NETO1: variants seen among roughly 807,000 people sequenced by gnomAD.
NETO1 encodes neuropilin and tolloid-like protein 1.
Under a neutral mutation model 61.3 loss-of-function variants are expected in NETO1, and 26 were observed. That is an observed-to-expected ratio of 0.42 (90% CI 0.31 to 0.59). The LOEUF (loss-of-function observed/expected upper bound fraction) is 0.59, where lower values mean the gene tolerates loss of function less well. NETO1 is among the 20% of genes least tolerant of loss of function. The probability of loss-of-function intolerance (pLI) is 0.12; values close to 1 mark genes in which losing one functional copy is unlikely to be tolerated. For missense variants in NETO1, 531 were observed against 662.8 expected (o/e 0.80, Z 2.18); for synonymous variants, 225 against 225.8 (o/e 1.00, Z 0.03).
intron 4 of NETO1, among the ~76,000 whole-genome samples, chr18:72,836,824 C>T (rs1040317661): frequency 1.2e-4 from 18 of 151,906 alleles, no homozygotes; most frequent in African/African-American, 3.9e-4. Flanking sequence ...TCGTGTATCT[C>T]GGATCTAACT....
At chr18:72,811,345 C>G (rs900363558) in intron 4 of NETO1, among the ~76,000 whole-genome samples, 15 of 152,196 alleles carry the variant, frequency 9.9e-5, no homozygotes, top group Non-Finnish European at 1.8e-4. Context: ...CAGACAGCCT[C>G]CTCTCAACTC....
intron 4 of NETO1, chr18:72,853,235 C>T (rs2074309445): frequency 6.6e-6 from 1 of 152,092 alleles, no homozygotes; most frequent in Non-Finnish European, 1.5e-5. Context: ...TGATTATGCT[C>T]CTTACCTTTT....
At chr18:72,828,176 T>C (rs1448409523) in intron 4 of NETO1, among the ~76,000 whole-genome samples, 1 of 152,120 alleles carries the variant, frequency 6.6e-6, no homozygotes, top group Non-Finnish European at 1.5e-5. Flanking sequence ...CCAGGTGTGG[T>C]GGCACATGCC....
At chr18:72,772,825 CTA>C (rs59339805) in intron 7 of NETO1, among the ~76,000 whole-genome samples, 171 of 40,428 alleles carry the variant, frequency 4.2e-3, no homozygotes, top group East Asian at 8.8e-3. Flanking sequence ...CTCTCTCTCT[CTA>C]TATATATATA....
At chr18:72,757,191 G>A (rs2070811668) in intron 7 of NETO1, among the ~76,000 whole-genome samples, 2 of 152,042 alleles carry the variant, frequency 1.3e-5, no homozygotes, top group African/African-American at 4.8e-5. Context: ...ATTGACAAAT[G>A]AAGATATATT....
At chr18:72,856,541 C>G (rs1218363829) in intron 4 of NETO1, among the ~76,000 whole-genome samples, 1 of 151,626 alleles carries the variant, frequency 6.6e-6, no homozygotes, top group African/African-American at 2.4e-5. Context: ...TGTTAATTGT[C>G]TCAAACTATT....
intron 4 of NETO1, among the ~76,000 whole-genome samples, chr18:72,854,825 T>C (rs985618706): frequency 6.6e-6 from 1 of 152,230 alleles, no homozygotes; most frequent in Non-Finnish European, 1.5e-5. Context: ...CAAAATATCT[T>C]ATTCTTTCAA....
At chr18:72,754,100 C>A (rs1286281099) in intron 8 of NETO1, among the ~76,000 whole-genome samples, 11 of 151,992 alleles carry the variant, frequency 7.2e-5, no homozygotes, top group Non-Finnish European at 2.9e-5. Context: ...TTCTATGTCT[C>A]ACTATAATTA....
intron 4 of NETO1, among the ~76,000 whole-genome samples, chr18:72,844,831 G>A (rs1341789992): frequency 6.6e-6 from 1 of 152,148 alleles, no homozygotes; most frequent in African/African-American, 2.4e-5. Context: ...ATGTTTGATT[G>A]CAGTGCACTT....
intron 1 of NETO1, chr18:72,865,790 G>C: frequency 8.5e-7 from 1 of 1,180,570 alleles, no homozygotes; most frequent in South Asian, 1.7e-5. Flanking sequence ...TGGGCATTAA[G>C]CACCATTATT....
chr18:72,772,749 C>CTCTATATA (rs1344703171), intron 7 of NETO1, among the ~76,000 whole-genome samples: 33 of 27,140 alleles, frequency 1.2e-3, no homozygotes, highest in South Asian at 4.0e-3. Context: ...ACACATCTCT[C>CTCTATATA]TATATATATC....
chr18:72,840,542 C>CTTTT (rs545317595), intron 4 of NETO1, among the ~76,000 whole-genome samples: 87 of 152,312 alleles, frequency 5.7e-4, no homozygotes, highest in African/African-American at 1.9e-3. Flanking sequence ...TTATAAAGAT[C>CTTTT]TTAAAAAGCC....
chr18:72,808,697 G>A (rs1388442054), intron 4 of NETO1, among the ~76,000 whole-genome samples: 3 of 152,198 alleles, frequency 2.0e-5, no homozygotes, highest in East Asian at 3.9e-4. Context: ...CCATGCTAAC[G>A]GAGCTTCAAG....
At chr18:72,767,237 T>A (rs1236493904) in intron 7 of NETO1, among the ~76,000 whole-genome samples, 1 of 152,174 alleles carries the variant, frequency 6.6e-6, no homozygotes, top group Non-Finnish European at 1.5e-5. Flanking sequence ...AATAATAATT[T>A]TCTGTTTCCA....
intron 4 of NETO1, among the ~76,000 whole-genome samples, chr18:72,806,491 T>C (rs186712885): frequency 5.5e-4 from 83 of 152,276 alleles, no homozygotes; most frequent in Non-Finnish European, 1.1e-3. Flanking sequence ...TCAATTATCT[T>C]CCTCCAATTC....
chr18:72,817,921 A>G (rs902576090), intron 4 of NETO1, among the ~76,000 whole-genome samples: 2 of 152,206 alleles, frequency 1.3e-5, no homozygotes, highest in African/African-American at 4.8e-5. Context: ...ATTGTTTCTG[A>G]CCAACGGCCA....
intron 7 of NETO1, among the ~76,000 whole-genome samples, chr18:72,771,105 T>C (rs1383092352): frequency 6.6e-6 from 1 of 152,146 alleles, no homozygotes; most frequent in African/African-American, 2.4e-5. Flanking sequence ...TTACTGAGAT[T>C]ATATGACAAT....
chr18:72,798,297 G>A (rs1301530987), intron 4 of NETO1, among the ~76,000 whole-genome samples: 1 of 152,186 alleles, frequency 6.6e-6, no homozygotes, highest in African/African-American at 2.4e-5. Flanking sequence ...GAGGGATCTA[G>A]GGTGCACGCT....
chr18:72,863,380 C>T (rs2074638833), intron 3 of NETO1, among the ~76,000 whole-genome samples: 1 of 152,160 alleles, frequency 6.6e-6, no homozygotes, highest in African/African-American at 2.4e-5. Context: ...TTTGGCTTCC[C>T]CGTCGCAACT....
Sources: gnomAD v4.1 joint callset for allele counts (sites outside exome capture counted in the v4.1 genomes callset) on GRCh38, gnomAD v4.1.1 for gene constraint, MANE v1.5 for transcripts, NCBI Gene and HGNC (gene_info 2026-07-23, HGNC 2026-07-21) for gene names.